Variants in CREB5 observed in about 807,000 individuals in gnomAD.
The protein encoded by CREB5 is cAMP responsive element binding protein 5.
A neutral mutation model predicts 57.1 loss-of-function variants in CREB5; 19 were observed. The observed-to-expected ratio is 0.33, with a 90% CI of 0.23 to 0.49. CREB5 has a LOEUF of 0.49. Ranked by LOEUF, CREB5 falls within the 20% of genes least tolerant of loss-of-function variation. The pLI, the probability that CREB5 is intolerant of heterozygous loss-of-function variation, is 0.99. For missense variants in CREB5, 579 were observed against 671.6 expected (o/e 0.86, Z 1.52); for synonymous variants, 238 against 238.3 (o/e 1.00, Z 0.01).
intron 5 of CREB5, among the ~76,000 whole-genome samples, chr7:28,624,290 C>A (rs775110702): frequency 6.6e-5 from 10 of 152,118 alleles, no homozygotes; most frequent in Non-Finnish European, 1.2e-4. Flanking sequence ...TTTTTGAGTG[C>A]GTATACTTGA....
intron 7 of CREB5, among the ~76,000 whole-genome samples, chr7:28,736,851 C>G (rs1034686980): frequency 4.1e-5 from 6 of 147,234 alleles, no homozygotes; most frequent in Non-Finnish European, 9.0e-5. Context: ...TAACAGTAGG[C>G]CCCTGATGTT....
At chr7:28,816,052 T>TAC (rs1390061492) in intron 9 of CREB5, among the ~76,000 whole-genome samples, 1 of 116,958 alleles carries the variant, frequency 8.6e-6, no homozygotes, top group Non-Finnish European at 1.9e-5. Flanking sequence ...AGCAAATATA[T>TAC]ACGCACACAC....
chr7:28,401,406 A>AT (rs917558623), intron 1 of CREB5, among the ~76,000 whole-genome samples: 1 of 151,598 alleles, frequency 6.6e-6, no homozygotes, highest in African/African-American at 2.4e-5. Context: ...TAATTAATTA[A>AT]TTTTTTTAAT....
intron 1 of CREB5, among the ~76,000 whole-genome samples, chr7:28,417,334 A>T (rs1788068074): frequency 6.6e-6 from 1 of 150,860 alleles, no homozygotes; most frequent in Non-Finnish European, 1.5e-5. Context: ...GTACTACTTT[A>T]CATTCTCTCT....
At chr7:28,490,558 C>T (rs142275715) in intron 2 of CREB5, among the ~76,000 whole-genome samples, 116 of 152,304 alleles carry the variant, frequency 7.6e-4, no homozygotes, top group Middle Eastern at 6.8e-3. Flanking sequence ...AGTCATTAGA[C>T]TGTATGGCAG....
intron 5 of CREB5, among the ~76,000 whole-genome samples, chr7:28,591,157 T>C (rs1442296080): frequency 6.6e-6 from 1 of 152,214 alleles, no homozygotes; most frequent in East Asian, 1.9e-4. Context: ...CTCTATCTTG[T>C]GTCCCTGGAG....
chr7:28,752,044 T>G (rs1805007953), intron 7 of CREB5, among the ~76,000 whole-genome samples: 1 of 152,268 alleles, frequency 6.6e-6, no homozygotes, highest in South Asian at 2.1e-4. Flanking sequence ...GTACCCTTTT[T>G]GGTCTGTCAT....
chr7:28,676,160 T>G (rs41346), intron 5 of CREB5, among the ~76,000 whole-genome samples: 134,561 of 152,168 alleles, frequency 0.88, 59,727 homozygotes, highest in African/African-American at 0.95. Flanking sequence ...AAAGAACTAG[T>G]TAGGAGGCCT....
At chr7:28,585,995 T>G (rs1346863521) in intron 5 of CREB5, among the ~76,000 whole-genome samples, 1 of 152,266 alleles carries the variant, frequency 6.6e-6, no homozygotes, top group Admixed American at 6.5e-5. Flanking sequence ...TGAATTCTCC[T>G]ATCTTTAGAA....
At chr7:28,630,249 G>T (rs560831702) in intron 5 of CREB5, among the ~76,000 whole-genome samples, 3 of 152,124 alleles carry the variant, frequency 2.0e-5, no homozygotes, top group Non-Finnish European at 4.4e-5. Flanking sequence ...TGTTTCTCTT[G>T]AATTTCCTCT....
intron 1 of CREB5, among the ~76,000 whole-genome samples, chr7:28,433,856 T>C (rs1233179595): frequency 1.3e-5 from 2 of 151,720 alleles, no homozygotes; most frequent in Non-Finnish European, 2.9e-5. Context: ...ATAATCTTCC[T>C]CATATTTTTT....
chr7:28,370,213 T>C (rs1307247739), intron 1 of CREB5, among the ~76,000 whole-genome samples: 2 of 152,240 alleles, frequency 1.3e-5, no homozygotes, highest in African/African-American at 4.8e-5. Context: ...TTTCTATCTG[T>C]AAGGCCACGG....
intron 1 of CREB5, among the ~76,000 whole-genome samples, chr7:28,460,417 T>C (rs143007046): frequency 6.6e-6 from 1 of 152,208 alleles, no homozygotes; most frequent in Admixed American, 6.5e-5. Context: ...ATGAGGAAAC[T>C]GAGGCACAAA....
rs77829156 is a variant in CREB5 at position 28,573,492 on chromosome 7, A to T, written c.464+2955A>T. Among the ~76,000 whole-genome samples the T allele has an allele frequency of 7.2e-3, 1,094 of 152,340 alleles. 13 individuals are homozygous for T. The highest frequency in any genetic ancestry group is 0.025 in the African/African-American group (1,023 of 41,578). On this transcript the variant is annotated intron_variant, in intron 5 of 10. Coordinates refer to ENST00000357727, the MANE Select transcript of CREB5 (RefSeq NM_182898.4). ...CTGGGACCCACCTGTGCCCACGCAT[A>T]GTGCTCTTGTGCTGCGGCCAGCGGG... is the stretch of plus-strand genomic sequence containing the variant.
rs938139919 is a variant in CREB5, at chr7:28,692,418, G to A, written c.465-26335G>A. ...TCAAGACCAGCCTGGCCAATGTGGT[G>A]AAACCCTGTCTCTACTAAAAATACA... On this transcript the variant is annotated intron_variant, in intron 5 of 10. Coordinates refer to ENST00000357727, the MANE Select transcript of CREB5 (RefSeq NM_182898.4). Among the ~76,000 whole-genome samples, 5 of 152,288 alleles carry A rather than the reference G, an allele frequency of 3.3e-5. No individual in the cohort carries two copies. The East Asian group carries it at 7.7e-4, about 24-fold the overall frequency.
intron 1 of CREB5, among the ~76,000 whole-genome samples, chr7:28,383,256 C>G (rs1271456832): frequency 6.6e-6 from 1 of 152,078 alleles, no homozygotes; most frequent in Non-Finnish European, 1.5e-5. Context: ...AGAACCTCTT[C>G]TAAAGGACTA....
chr7:28,482,263 G>A (rs1440120719), intron 1 of CREB5, among the ~76,000 whole-genome samples: 1 of 152,178 alleles, frequency 6.6e-6, no homozygotes, highest in Non-Finnish European at 1.5e-5. Flanking sequence ...CTGCATCCTT[G>A]CTTTGAAAGT....
chr7:28,560,627 C>CAA (rs1795045533), intron 4 of CREB5, among the ~76,000 whole-genome samples: 1 of 152,006 alleles, frequency 6.6e-6, no homozygotes, highest in Admixed American at 6.5e-5. Context: ...CAAGAAGAGG[C>CAA]AAGGCAGATG....
intron 1 of CREB5, among the ~76,000 whole-genome samples, chr7:28,469,006 C>T (rs1374856175): frequency 1.3e-5 from 2 of 152,176 alleles, no homozygotes; most frequent in Non-Finnish European, 2.9e-5. Flanking sequence ...ATTTAGGACT[C>T]CTCAACACCT....
Sources: gnomAD v4.1 joint callset for allele counts (sites outside exome capture counted in the v4.1 genomes callset) on GRCh38, gnomAD v4.1.1 for gene constraint, MANE v1.5 for transcripts, NCBI Gene and HGNC (gene_info 2026-07-23, HGNC 2026-07-21) for gene names.